SART1: variants seen among roughly 807,000 people sequenced by gnomAD.
SART1 encodes the protein spliceosome associated factor 1, recruiter of U4/U6.U5 tri-snRNP.
In SART1, 28 loss-of-function variants were observed where a neutral mutation model predicts 105.0. That is an observed-to-expected ratio of 0.27 (90% CI 0.20 to 0.37). The LOEUF (loss-of-function observed/expected upper bound fraction) is 0.37, where lower values mean the gene tolerates loss of function less well. Ranked by LOEUF, SART1 falls within the 10% of genes least tolerant of loss-of-function variation. The probability of loss-of-function intolerance (pLI) is 1.00; values close to 1 mark genes in which losing one functional copy is unlikely to be tolerated. For missense variants in SART1, 894 were observed against 1,106.5 expected, an observed-to-expected ratio of 0.81 and a Z score of 2.72; for synonymous variants, 472 against 462.9, an observed-to-expected ratio of 1.02 and a Z score of -0.25.
At chr11:65,968,641 G>A (rs140383962) in intron 12 of SART1, among the ~76,000 whole-genome samples, 98 of 152,276 alleles carry the variant, frequency 6.4e-4, no homozygotes, top group Non-Finnish European at 1.1e-3. Context: ...CCAGCCTTGC[G>A]GGGGGTTAGG....
chr11:65,963,565 T>A (rs1855188232), intron 1 of SART1, among the ~76,000 whole-genome samples: 1 of 151,920 alleles, frequency 6.6e-6, no homozygotes, highest in South Asian at 2.1e-4. Context: ...CACTGCAAGC[T>A]CTGCCTCCTG....
In SART1 at chr11:65,978,027, G is replaced by A. The variant is rs2134924054; in HGVS notation, c.2172+128G>A. 1.9e-6 allele frequency: 2 copies of A among 1,045,474 alleles called. No individual in the cohort carries two copies. The highest frequency in any genetic ancestry group is 2.7e-6 in the Non-Finnish European group (2 of 727,298). The allele number at this position is 1,045,474 out of a possible 1,614,324, so 64.8% of individuals were successfully genotyped here. A position where few individuals can be genotyped will look rare whatever the true frequency, so the allele number is the denominator to read the frequency against. ...CCACCAGCCTCTGGCTGGGGGCCTG[G>A]TGAATGCCACGGATGGGGAGGGGGC... is the stretch of plus-strand genomic sequence containing the variant. On this transcript the variant is annotated intron_variant, in intron 17 of 19. Transcript: ENST00000312397. The surrounding 1 kb of genome is among the most constrained non-coding windows in gnomAD (Gnocchi z 6.8).
In SART1 at chr11:65,967,664, C is replaced by A; in HGVS notation, c.1430-15C>A. 1 of 1,580,850 alleles carries A rather than the reference C, an allele frequency of 6.3e-7. No individual in the cohort carries two copies. Among genetic ancestry groups the A allele is most frequent in the East Asian group, 2.3e-5 (1 of 43,680 alleles). Reference sequence around the variant, plus strand: ...AGGAGATGGTCTGAGCAGGCATCCCCTGTGTTTCCCCCAGAGGAAGGTGGA... The same window carrying A: ...AGGAGATGGTCTGAGCAGGCATCCCATGTGTTTCCCCCAGAGGAAGGTGGA... On this transcript the variant is annotated splice_polypyrimidine_tract_variant and intron_variant, in intron 11 of 19. Coordinates refer to ENST00000312397, the MANE Select transcript of SART1 (RefSeq NM_005146.5).
chr11:65,978,516 C>T lies in SART1; in HGVS notation c.2173-84C>T. ...TGGCATTGGGGTCAATCAACACCCGCCCTGTTATTATACACCTTGTGGGCA... is the reference window on the plus strand; with the variant it reads ...TGGCATTGGGGTCAATCAACACCCGTCCTGTTATTATACACCTTGTGGGCA... On this transcript the variant is annotated intron_variant, in intron 17 of 19. Coordinates refer to ENST00000312397, the MANE Select transcript of SART1 (RefSeq NM_005146.5). This position sits in a 1 kb window ranked among gnomAD's most constrained non-coding sequence, Gnocchi z 6.8. 1 of 1,346,748 alleles carries T rather than the reference C, an allele frequency of 7.4e-7. No individual in the cohort carries two copies. Among genetic ancestry groups the T allele is most frequent in the Non-Finnish European group, 1.0e-6 (1 of 964,148 alleles). The allele number at this position is 1,346,748 out of a possible 1,614,324, so 83.4% of individuals were successfully genotyped here.
intron 1 of SART1, among the ~76,000 whole-genome samples, chr11:65,962,999 G>A (rs1855177349): frequency 6.6e-6 from 1 of 151,988 alleles, no homozygotes; most frequent in South Asian, 2.1e-4. Flanking sequence ...GGTGGGGGGA[G>A]ATAGTTCACT....
chr11:65,971,582 A>G (rs61893936), intron 12 of SART1, among the ~76,000 whole-genome samples: 15,157 of 15,772 alleles, frequency 0.96, 7,306 homozygotes, highest in Middle Eastern at 1. Flanking sequence ...GAGCTGCTGA[A>G]GAGGGGGATG....
chr11:65,967,502 G>A lies in SART1; in HGVS notation c.1345G>A (p.Glu449Lys), dbSNP rs771154780. 9.3e-6 allele frequency: 15 copies of A among 1,613,022 alleles called. No homozygotes were observed. Among genetic ancestry groups the A allele is most frequent in the Admixed American group, 6.7e-5 (4 of 59,988 alleles). ...LRGRGRRRVS[E>K]VEEEKEPVPQ... ...GGGACGGGGTCGCCGCCGAGTGTCC[G>A]AAGTGGAGGAGGAGAAGGAGCCTGT... The change falls in exon 11 of 20, where the codon GAA (glutamate) becomes AAA (lysine). Residue 449 changes from glutamate (E) to lysine (K), a missense_variant. By Grantham distance (56) the Glu-to-Lys change is moderately conservative. Coordinates refer to ENST00000312397, the MANE Select transcript of SART1 (RefSeq NM_005146.5).
In SART1 at chr11:65,979,294, T is replaced by G; in HGVS notation, c.*264T>G. ...CACCTCTGCAGGGCCGGCTCTCTGA[T>G]AGAAAGTGGAAGGCGGTTTTAGAAA... On this transcript the variant is annotated 3_prime_UTR_variant, in exon 20 of 20. Coordinates refer to ENST00000312397, the MANE Select transcript of SART1 (RefSeq NM_005146.5). 1 of 586,528 alleles carries G rather than the reference T, an allele frequency of 1.7e-6. No individual in the cohort carries two copies. The highest frequency in any genetic ancestry group is 2.1e-5 in the South Asian group (1 of 48,162). The allele number at this position is 586,528 out of a possible 1,614,324, so 36.3% of individuals were successfully genotyped here. A position where few individuals can be genotyped will look rare whatever the true frequency, so the allele number is the denominator to read the frequency against.
In SART1 at chr11:65,979,562, A is replaced by C. The variant is rs764861341; in HGVS notation, c.*532A>C. 6.9e-5 allele frequency: 11 copies of C among 159,736 alleles called. No homozygotes were observed. The highest frequency in any genetic ancestry group is 1.5e-4 in the Non-Finnish European group (11 of 73,062). The allele number at this position is 159,736 out of a possible 1,614,324, so 9.9% of individuals were successfully genotyped here. On this transcript the variant is annotated 3_prime_UTR_variant, in exon 20 of 20. Transcript: ENST00000312397. Reference sequence around the variant, plus strand: ...ACGCGGTATGGGGAGGGCTGAGCTCAGTGCCTCCTGGGAGACTTGTCCCGT... The same window carrying C: ...ACGCGGTATGGGGAGGGCTGAGCTCCGTGCCTCCTGGGAGACTTGTCCCGT...
chr11:65,970,522 C>T (rs932192648), intron 12 of SART1, among the ~76,000 whole-genome samples: 2 of 151,872 alleles, frequency 1.3e-5, no homozygotes, highest in South Asian at 4.2e-4. Flanking sequence ...GAAGCCAGCT[C>T]GTGTCATCAT....
chr11:65,962,108 CCTGCGCA>C lies in SART1; in HGVS notation c.313+16_313+22del. On this transcript the variant is annotated intron_variant, in intron 1 of 19. Coordinates refer to ENST00000312397, the MANE Select transcript of SART1 (RefSeq NM_005146.5). ...CTACGAGGCCGGTGAGGAGGCGGGG[CCTGCGCA>C]GGGGGCGGGTCGGGCGGGGGTCCCG... 1 of 531,878 alleles carries C rather than the reference CCTGCGCA, an allele frequency of 1.9e-6. No individual in the cohort carries two copies. The highest frequency in any genetic ancestry group is 2.8e-6 in the Non-Finnish European group (1 of 357,454). 32.9% of individuals were successfully genotyped at this position (531,878 alleles called of 1,614,324 possible). A position where few individuals can be genotyped will look rare whatever the true frequency, so the allele number is the denominator to read the frequency against.
At position 65,965,246 on chromosome 11, in the gene SART1, G is replaced by A. The variant is rs185279706; in HGVS notation, c.554+28G>A. On this transcript the variant is annotated intron_variant, in intron 4 of 19. Coordinates refer to ENST00000312397, the MANE Select transcript of SART1 (RefSeq NM_005146.5). ...GAGGGGTCCTGGCCAGGGCAGGCAA[G>A]GGAAGGGCTGGGGAGGCCACCATCC... The A allele has an allele frequency of 5.0e-6, 8 of 1,608,922 alleles. No individual in the cohort carries two copies. The East Asian group carries it at 1.3e-4, about 27-fold the overall frequency.
Position 65,965,135 on chromosome 11 carries a change from C to T in SART1, c.471C>T (p.Asn157=). 6.2e-7 allele frequency: 1 copy of T among 1,600,826 alleles called. No individual in the cohort carries two copies. Among genetic ancestry groups the T allele is most frequent in the South Asian group, 1.1e-5 (1 of 89,936 alleles). Residue 157 remains asparagine, a synonymous_variant, in exon 4 of 20, where the codon AAC becomes AAT. Coordinates refer to ENST00000312397, the MANE Select transcript of SART1 (RefSeq NM_005146.5). Reference sequence around the variant, plus strand: ...AGCCCGTGACAGCTGATGTCATCAACCCTATGGCCTTGCGACAGCGAGAGG... The same window carrying T: ...AGCCCGTGACAGCTGATGTCATCAATCCTATGGCCTTGCGACAGCGAGAGG... The part of the protein sequence containing the change: ...KEEPVTADVI[N]PMALRQREEL...
At position 65,973,148 on chromosome 11, in the gene SART1, T is replaced by A. The variant is rs187449112; in HGVS notation, c.1573-3247T>A. Among the ~76,000 whole-genome samples the A allele has an allele frequency of 3.1e-3, 471 of 152,184 alleles. 2 individuals are homozygous for A. The highest frequency in any genetic ancestry group is 0.011 in the African/African-American group (459 of 41,504). On this transcript the variant is annotated intron_variant, in intron 12 of 19. Transcript: ENST00000312397. ...GAGATCGCACCACTGCACTCCAGCCTGGGTGACAGAGCAAGACTCCGTCTC... is the reference window on the plus strand; with the variant it reads ...GAGATCGCACCACTGCACTCCAGCCAGGGTGACAGAGCAAGACTCCGTCTC...
rs1331557588 is a variant in SART1 at position 65,965,974 on chromosome 11, C to T, written c.826C>T (p.Leu276Phe). ...AGAAGGGGAGACAATGATTCTTACC[C>T]TCAAGGACAAAGGTAATGCGAGCTG... The part of the protein sequence containing the change: ...FREGETMILT[L>F]KDKGVLQEEE... Residue 276 changes from leucine (L) to phenylalanine (F), a missense_variant, in exon 7 of 20, where the codon CTC (leucine) becomes TTC (phenylalanine). By Grantham distance (22) the Leu-to-Phe change is conservative. Coordinates refer to ENST00000312397, the MANE Select transcript of SART1 (RefSeq NM_005146.5). 5.0e-6 allele frequency: 8 copies of T among 1,613,992 alleles called. No homozygotes were observed. In the South Asian group the frequency reaches 7.7e-5, roughly 16 times the overall value.
At position 65,976,303 on chromosome 11, in the gene SART1, G is replaced by C; in HGVS notation, c.1573-92G>C. 7.3e-7 allele frequency: 1 copy of C among 1,367,368 alleles called. No homozygotes were observed. Among genetic ancestry groups the C allele is most frequent in the Non-Finnish European group, 9.7e-7 (1 of 1,032,488 alleles). The allele number at this position is 1,367,368 out of a possible 1,614,324, so 84.7% of individuals were successfully genotyped here. On this transcript the variant is annotated intron_variant, in intron 12 of 19. Transcript: ENST00000312397. This position sits in a 1 kb window ranked among gnomAD's most constrained non-coding sequence, Gnocchi z 5.1. The stretch of plus-strand genomic sequence containing the variant: ...CATGGGCTGTGGGCGTGGCCTGTCT[G>C]GCTGCTGCCAGGGAGGACCCTTAGG...
chr11:65,964,643 A>G (rs1197350475), intron 3 of SART1, 73 bp downstream of exon 3: 14 of 1,479,430 alleles, frequency 9.5e-6, no homozygotes, highest in Non-Finnish European at 1.2e-5. Context: ...AGGTGGGGTT[A>G]GAGGGCAGGT....
rs1420209982 is a variant in SART1, at chr11:65,976,358, A to C, written c.1573-37A>C. ...TGGGTCTCAATGGCATCACCCCAGA[A>C]ACTGCTGGGTTTGCCCACAGCCGCT... On this transcript the variant is annotated intron_variant, in intron 12 of 19. Transcript: ENST00000312397. The surrounding 1 kb of genome is among the most constrained non-coding windows in gnomAD (Gnocchi z 5.1). 3.4e-6 allele frequency: 5 copies of C among 1,486,412 alleles called. No homozygotes were observed. The highest frequency in any genetic ancestry group is 4.5e-6 in the Non-Finnish European group (5 of 1,120,018). 92.1% of individuals were successfully genotyped at this position (1,486,412 alleles called of 1,614,324 possible).
Position 65,978,728 on chromosome 11 carries a change from C to T in SART1, c.2262+39C>T, listed in dbSNP as rs775656777. The T allele has an allele frequency of 1.1e-4, 181 of 1,613,508 alleles. No individual in the cohort carries two copies. The highest frequency in any genetic ancestry group is 1.4e-4 in the Non-Finnish European group (169 of 1,179,746). ...GGGATGTGGGGGGCCCTGTGCCTGC[C>T]GGGGCAGGGGTGGCTGGTGTGTGGG... On this transcript the variant is annotated intron_variant, in intron 18 of 19. Coordinates refer to ENST00000312397, the MANE Select transcript of SART1 (RefSeq NM_005146.5). The surrounding 1 kb of genome is among the most constrained non-coding windows in gnomAD (Gnocchi z 6.8).
Sources: gnomAD v4.1 joint callset for allele counts (sites outside exome capture counted in the v4.1 genomes callset) on GRCh38, gnomAD v4.1.1 for gene constraint, Gnocchi (gnomAD v3.1) non-coding constraint, MANE v1.5 for transcripts, NCBI Gene and HGNC (gene_info 2026-07-23, HGNC 2026-07-21) for gene names.